DSCAML1: variants seen among roughly 807,000 people sequenced by gnomAD.
DSCAML1 encodes cell adhesion molecule DSCAML1.
DSCAML1 carries 38 observed loss-of-function variants against 200.5 expected under a neutral mutation model. The observed-to-expected ratio is 0.19, with a 90% CI of 0.15 to 0.25. The LOEUF is 0.25. Among genes scored for constraint, DSCAML1 ranks in the 10% least tolerant of loss-of-function variants. DSCAML1 has a pLI of 1.00. For synonymous variants in DSCAML1, 1,215 were observed against 1,165.0 expected (o/e 1.04, Z -0.87); for missense variants, 2,223 against 2,858.8 (o/e 0.78, Z 5.07).
chr11:117,454,138 G>A (rs2048333466), intron 19 of DSCAML1, among the ~76,000 whole-genome samples: 1 of 151,962 alleles, frequency 6.6e-6, no homozygotes, highest in South Asian at 2.1e-4. Context: ...TCTTCTTTGG[G>A]ATTTCTTCTC....
At chr11:117,531,333 C>T (rs927231334) in intron 4 of DSCAML1, among the ~76,000 whole-genome samples, 11 of 152,000 alleles carry the variant, frequency 7.2e-5, no homozygotes, top group African/African-American at 9.7e-5. Context: ...TTGGTTTTCT[C>T]GCCTGTAAAA....
intron 20 of DSCAML1, among the ~76,000 whole-genome samples, chr11:117,449,941 G>T (rs532623836): frequency 2.0e-5 from 3 of 152,296 alleles, no homozygotes; most frequent in East Asian, 3.9e-4. Flanking sequence ...TCAGTGGAAG[G>T]GCGGCTAGCC....
intron 3 of DSCAML1, among the ~76,000 whole-genome samples, chr11:117,738,816 G>A (rs1230716266): frequency 2.0e-5 from 3 of 152,164 alleles, no homozygotes; most frequent in South Asian, 2.1e-4. Context: ...TTTTGGAAGT[G>A]CTGACTTTGA....
In DSCAML1 at chr11:117,430,861, G is replaced by A. The variant is rs1054500630; in HGVS notation, c.5547C>T (p.Asn1849=). Reference sequence around the variant, plus strand: ...TGGATGTCATGCTGTCGGCGTTCTCGTTGGTGCCTGTGGTCATCTGGTCAG... The same window carrying A: ...TGGATGTCATGCTGTCGGCGTTCTCATTGGTGCCTGTGGTCATCTGGTCAG... The part of the protein sequence containing the change: ...SSSDQMTTGT[N]ENADSMTSMS... Residue 1849 remains asparagine, a synonymous_variant, in exon 32 of 33, where the codon AAC becomes AAT. Coordinates refer to ENST00000651296, the MANE Select transcript of DSCAML1 (RefSeq NM_020693.4). 7.4e-6 allele frequency: 12 copies of A among 1,614,180 alleles called. No individual in the cohort carries two copies. Among genetic ancestry groups the A allele is most frequent in the African/African-American group, 1.3e-5 (1 of 75,052 alleles).
At chr11:117,641,255 C>G (rs1410505591) in intron 3 of DSCAML1, among the ~76,000 whole-genome samples, 1 of 152,220 alleles carries the variant, frequency 6.6e-6, no homozygotes, top group Non-Finnish European at 1.5e-5. Context: ...CCACCTTCTC[C>G]CCACCCTTAA....
In DSCAML1 at chr11:117,588,978, A is replaced by G. The variant is rs377259757; in HGVS notation, c.512-56456T>C. Among the ~76,000 whole-genome samples, 11 of 152,346 alleles carry G rather than the reference A, an allele frequency of 7.2e-5. No homozygotes were observed. In the East Asian group the frequency reaches 1.7e-3, roughly 24 times the overall value. On this transcript the variant is annotated intron_variant, in intron 3 of 32. Transcript: ENST00000651296. Reference sequence around the variant, plus strand: ...AGGGGAAAATGAGCCTCATCGACCCAAATAAAATAAGGACACACAGGGGGA... The same window carrying G: ...AGGGGAAAATGAGCCTCATCGACCCGAATAAAATAAGGACACACAGGGGGA...
intron 11 of DSCAML1, among the ~76,000 whole-genome samples, chr11:117,492,151 G>C (rs560147312): frequency 3.0e-4 from 45 of 152,274 alleles, no homozygotes; most frequent in Admixed American, 2.4e-3. Flanking sequence ...ACGTGGTTTG[G>C]AGAAGAACCC....
intron 3 of DSCAML1, among the ~76,000 whole-genome samples, chr11:117,653,352 T>C (rs568247331): frequency 6.6e-6 from 1 of 152,262 alleles, no homozygotes; most frequent in East Asian, 1.9e-4. Context: ...CACTGGTCTT[T>C]AGTCAAGTTT....
At chr11:117,519,526 A>G (rs567930495) in intron 6 of DSCAML1, among the ~76,000 whole-genome samples, 1 of 152,340 alleles carries the variant, frequency 6.6e-6, no homozygotes, top group African/African-American at 2.4e-5. Context: ...GGCATTAAGT[A>G]CTTTAAAAGT....
At chr11:117,464,840 G>A in intron 17 of DSCAML1, 102 bp downstream of exon 17, 1 of 1,525,686 alleles carries the variant, frequency 6.6e-7, no homozygotes, top group South Asian at 1.3e-5. Context: ...GGACCAAAAT[G>A]GGGCCCAGGG....
At chr11:117,761,240 T>A (rs1201339444) in intron 3 of DSCAML1, among the ~76,000 whole-genome samples, 1 of 152,116 alleles carries the variant, frequency 6.6e-6, no homozygotes, top group Non-Finnish European at 1.5e-5. Context: ...GCGTCAAACC[T>A]GGACTCACCT....
intron 3 of DSCAML1, among the ~76,000 whole-genome samples, chr11:117,666,982 G>A (rs2052989233): frequency 6.6e-6 from 1 of 152,202 alleles, no homozygotes; most frequent in African/African-American, 2.4e-5. Context: ...CAGTCAGCAG[G>A]TGTTAGTGGC....
chr11:117,782,361 G>A (rs542889059), intron 1 of DSCAML1, among the ~76,000 whole-genome samples: 35 of 152,290 alleles, frequency 2.3e-4, no homozygotes, highest in African/African-American at 6.3e-4. Context: ...TTCTTGCTGC[G>A]GTGTCAGGAG....
intron 3 of DSCAML1, among the ~76,000 whole-genome samples, chr11:117,723,993 G>T (rs1255937672): frequency 2.0e-5 from 3 of 152,226 alleles, no homozygotes; most frequent in African/African-American, 7.2e-5. Context: ...AGAGAGCTTG[G>T]CTACGGCTGG....
At chr11:117,599,551 C>G (rs533109413) in intron 3 of DSCAML1, among the ~76,000 whole-genome samples, 45 of 152,272 alleles carry the variant, frequency 3.0e-4, no homozygotes, top group African/African-American at 1.0e-3. Flanking sequence ...GTTCTGAGCC[C>G]TCTCTGCTCA....
intron 3 of DSCAML1, among the ~76,000 whole-genome samples, chr11:117,588,703 C>T (rs1479398421): frequency 6.6e-6 from 1 of 152,118 alleles, no homozygotes; most frequent in East Asian, 1.9e-4. Flanking sequence ...TGTATCCAAA[C>T]AAGCAAGAGG....
chr11:117,533,711 A>G (rs911329425), intron 3 of DSCAML1, among the ~76,000 whole-genome samples: 8 of 152,020 alleles, frequency 5.3e-5, no homozygotes, highest in Admixed American at 4.6e-4. Context: ...ACTCCATCCC[A>G]GAGGGGAAGT....
intron 3 of DSCAML1, chr11:117,612,017 GAC>G (rs146336207): frequency 8.0e-5 from 12 of 150,450 alleles, no homozygotes; most frequent in Non-Finnish European, 1.3e-4. Flanking sequence ...CACACACAGA[GAC>G]ACACACACAC....
rs776522303 is a variant in DSCAML1 at position 117,437,397 on chromosome 11, C to T, written c.4445G>A (p.Ser1482Asn). The T allele has an allele frequency of 2.5e-6, 4 of 1,611,522 alleles. No individual in the cohort carries two copies. The highest frequency in any genetic ancestry group is 2.5e-6 in the Non-Finnish European group (3 of 1,177,826). The change falls in exon 26 of 33, where the codon AGC becomes AAC. Residue 1482 changes from serine to asparagine, a missense_variant. Coordinates refer to ENST00000651296, the MANE Select transcript of DSCAML1 (RefSeq NM_020693.4). The surrounding 1 kb of genome is among the most constrained non-coding windows in gnomAD (Gnocchi z 5.3). The part of the protein sequence containing the change: ...AKTHGREPSF[S>N]KDQHLFTHIN... ...GTGGGTGAAGAGGTGTTGGTCTTTG[C>T]TGAAGGAGGGCTCTGGCAGGCCGGA...
Sources: gnomAD v4.1 joint callset for allele counts (sites outside exome capture counted in the v4.1 genomes callset) on GRCh38, gnomAD v4.1.1 for gene constraint, Gnocchi (gnomAD v3.1) non-coding constraint, MANE v1.5 for transcripts, NCBI Gene and HGNC (gene_info 2026-07-23, HGNC 2026-07-21) for gene names.